The following FAM135A variants were observed in gnomAD, a reference collection of about 807,000 sequenced individuals.
FAM135A encodes family with sequence similarity 135 member A.
In FAM135A, 79 loss-of-function variants were observed where a neutral mutation model predicts 146.8. That is an observed-to-expected ratio of 0.54 (90% CI 0.45 to 0.65). The LOEUF (loss-of-function observed/expected upper bound fraction) is 0.65. Ranked by LOEUF, FAM135A falls within the 30% of genes least tolerant of loss-of-function variation. The pLI is 0.00. For synonymous variants in FAM135A, 562 were observed against 603.6 expected (o/e 0.93, Z 1.01); for missense variants, 1,623 against 1,758.2 (o/e 0.92, Z 1.38).
chr6:70,552,789 TA>T (rs1382034028), intron 20 of FAM135A, among the ~76,000 whole-genome samples: 1 of 151,640 alleles, frequency 6.6e-6, no homozygotes, highest in Non-Finnish European at 1.5e-5. Context: ...GTTCTAAAAA[TA>T]AAAAAGGGTA....
In FAM135A at chr6:70,525,773, G is replaced by A; in HGVS notation, c.2689G>A (p.Val897Ile). The change falls in exon 15 of 22, where the codon GTT (valine) becomes ATT (isoleucine). Residue 897 changes from valine (V) to isoleucine (I), a missense_variant. By Grantham distance (29) the Val-to-Ile change is conservative. Around this residue, in one of 7 missense-constraint regions of FAM135A, gnomAD observed 1,061 missense variants for 1,113.8 expected, o/e 0.95. Transcript: ENST00000418814. ...AAGTATCACTTTGCAACAGCAGAGT[G>A]TTGTATTTTCAGGGAACTTGGACAA... Reference protein sequence around the residue: ...KSSITLQQQSVVFSGNLDNET... With the variant: ...KSSITLQQQSIVFSGNLDNET... 2 of 1,613,360 alleles carry A rather than the reference G, an allele frequency of 1.2e-6. No homozygotes were observed. Among genetic ancestry groups the A allele is most frequent in the Non-Finnish European group, 1.7e-6 (2 of 1,179,614 alleles).
At chr6:70,436,373 AGCCC>A (rs1562414865) in intron 4 of FAM135A, among the ~76,000 whole-genome samples, 4 of 152,182 alleles carry the variant, frequency 2.6e-5, no homozygotes, top group African/African-American at 4.8e-5. Flanking sequence ...TTTAAGAATC[AGCCC>A]TTCTCTGTAC....
intron 4 of FAM135A, among the ~76,000 whole-genome samples, chr6:70,444,567 A>G (rs767858802): frequency 1.2e-4 from 19 of 152,130 alleles, no homozygotes; most frequent in Non-Finnish European, 2.4e-4. Flanking sequence ...CTGTCTCAAT[A>G]AGAAAAAGAA....
At chr6:70,467,749 G>A (rs954057440) in intron 5 of FAM135A, among the ~76,000 whole-genome samples, 1 of 148,962 alleles carries the variant, frequency 6.7e-6, no homozygotes, top group African/African-American at 2.5e-5. Context: ...CTCTCTCATC[G>A]CTTCTCTCTT....
chr6:70,459,431 A>T (rs1336572591), intron 5 of FAM135A, among the ~76,000 whole-genome samples: 1 of 152,224 alleles, frequency 6.6e-6, no homozygotes, highest in Admixed American at 6.5e-5. Flanking sequence ...CGAGTCAGGA[A>T]ATATCTGTCA....
intron 16 of FAM135A, among the ~76,000 whole-genome samples, chr6:70,529,791 T>C (rs969145140): frequency 6.6e-5 from 10 of 152,080 alleles, no homozygotes; most frequent in South Asian, 2.1e-4. Context: ...GGCCGGGCGC[T>C]GTGGCTTACA....
chr6:70,508,687 T>C (rs1251727487), intron 12 of FAM135A, among the ~76,000 whole-genome samples: 3 of 152,206 alleles, frequency 2.0e-5, no homozygotes, highest in Non-Finnish European at 4.4e-5. Context: ...CATCAGCTTG[T>C]ATAAATCTTT....
At chr6:70,476,531 T>G (rs1782661471) in intron 7 of FAM135A, among the ~76,000 whole-genome samples, 1 of 152,036 alleles carries the variant, frequency 6.6e-6, no homozygotes, top group South Asian at 2.1e-4. Flanking sequence ...TCAGAATTAT[T>G]TAAGTGGAAT....
At chr6:70,495,577 T>A (rs1410118457) in intron 11 of FAM135A, among the ~76,000 whole-genome samples, 3 of 152,194 alleles carry the variant, frequency 2.0e-5, no homozygotes, top group Non-Finnish European at 4.4e-5. Flanking sequence ...GTATCATATG[T>A]GATAAGCAGC....
At chr6:70,429,727 C>T (rs990436228) in intron 4 of FAM135A, among the ~76,000 whole-genome samples, 1 of 151,968 alleles carries the variant, frequency 6.6e-6, no homozygotes, top group African/African-American at 2.4e-5. Context: ...ACAATAAGCA[C>T]TTACTAACAT....
At chr6:70,432,580 G>A (rs764992156) in intron 4 of FAM135A, among the ~76,000 whole-genome samples, 4 of 152,090 alleles carry the variant, frequency 2.6e-5, no homozygotes, top group Admixed American at 1.3e-4. Context: ...CCTACCTAAG[G>A]TGATCCTTTA....
chr6:70,459,837 G>A, intron 5 of FAM135A, among the ~76,000 whole-genome samples: 1 of 152,240 alleles, frequency 6.6e-6, no homozygotes. Flanking sequence ...AGACAAGCCT[G>A]ACCAACATCG....
chr6:70,440,345 A>G (rs574727525), intron 4 of FAM135A, among the ~76,000 whole-genome samples: 49 of 152,290 alleles, frequency 3.2e-4, no homozygotes, highest in African/African-American at 1.2e-3. Flanking sequence ...GATGGTACCC[A>G]TTGATGATCT....
chr6:70,502,537 A>T, intron 11 of FAM135A, 99 bp from the exon 12 acceptor site: 1 of 1,252,580 alleles, frequency 8.0e-7, no homozygotes, highest in Non-Finnish European at 1.1e-6. Flanking sequence ...TTTTTAAACC[A>T]CAAATTTGCC....
At chr6:70,459,756 G>A (rs763049803) in intron 5 of FAM135A, among the ~76,000 whole-genome samples, 19 of 152,120 alleles carry the variant, frequency 1.2e-4, no homozygotes, top group African/African-American at 3.4e-4. Flanking sequence ...GTCACCAGGC[G>A]CGGAGGCTCA....
chr6:70,559,640 T>C lies in FAM135A; in HGVS notation c.4343-76T>C, dbSNP rs547139280. 5.4e-4 allele frequency: 657 copies of C among 1,213,610 alleles called. 1 individual carries two copies. The highest frequency in any genetic ancestry group is 6.9e-4 in the Non-Finnish European group (604 of 878,668). 75.2% of individuals were successfully genotyped at this position (1,213,610 alleles called of 1,614,324 possible). On this transcript the variant is annotated intron_variant, in intron 21 of 21. Transcript: ENST00000418814. ...TAATGTAACTAAATTTTATAACTTA[T>C]CTAAAAATTGGCATAGTTTTTTTAT...
At chr6:70,426,926 C>G (rs1770288112) in intron 3 of FAM135A, among the ~76,000 whole-genome samples, 1 of 152,164 alleles carries the variant, frequency 6.6e-6, no homozygotes, top group Non-Finnish European at 1.5e-5. Flanking sequence ...AAGACACTAT[C>G]TCTGACTTCT....
At chr6:70,520,945 T>C (rs1014614549) in intron 12 of FAM135A, among the ~76,000 whole-genome samples, 2 of 152,248 alleles carry the variant, frequency 1.3e-5, no homozygotes, top group African/African-American at 4.8e-5. Flanking sequence ...GGTAAGTGTT[T>C]GGAGCACAAG....
intron 13 of FAM135A, among the ~76,000 whole-genome samples, chr6:70,523,229 T>C (rs1793990825): frequency 1.3e-5 from 2 of 152,154 alleles, no homozygotes; most frequent in South Asian, 2.1e-4. Flanking sequence ...GAGGGAACCA[T>C]CTGAGTAGAT....
Sources: allele counts gnomAD v4.1 joint callset (sites outside exome capture counted in the v4.1 genomes callset), GRCh38; gene constraint gnomAD v4.1.1; regional missense constraint gnomAD v4.1.1; transcripts MANE v1.5; gene names NCBI Gene and HGNC (gene_info 2026-07-23, HGNC 2026-07-21).